The following RIMS2 variants were observed in gnomAD, a reference collection of about 807,000 sequenced individuals.
RIMS2 encodes the protein regulating synaptic membrane exocytosis protein 2.
A neutral mutation model predicts 174.4 loss-of-function variants in RIMS2; 59 were observed. The observed-to-expected ratio is 0.34, with a 90% CI of 0.27 to 0.42. The LOEUF (loss-of-function observed/expected upper bound fraction) is 0.42. Among genes scored for constraint, RIMS2 ranks in the 10% least tolerant of loss-of-function variants. The pLI is 1.00. For synonymous variants in RIMS2, 606 were observed against 572.5 expected (o/e 1.06, Z -0.84); for missense variants, 1,620 against 1,666.3 (o/e 0.97, Z 0.48).
intron 1 of RIMS2, among the ~76,000 whole-genome samples, chr8:103,690,806 T>C (rs1411774860): frequency 6.6e-6 from 1 of 152,250 alleles, no homozygotes; most frequent in East Asian, 1.9e-4. Context: ...GTGAGTTTTG[T>C]ACCTTTGGTG....
chr8:103,914,629 G>A (rs2076328616), intron 6 of RIMS2, among the ~76,000 whole-genome samples: 1 of 152,120 alleles, frequency 6.6e-6, no homozygotes, highest in Admixed American at 6.5e-5. Context: ...TTGAAGCTAT[G>A]TGCAAGTCAC....
chr8:103,792,219 G>A (rs896056213), intron 3 of RIMS2, among the ~76,000 whole-genome samples: 11 of 152,198 alleles, frequency 7.2e-5, no homozygotes, highest in African/African-American at 1.4e-4. Context: ...ATAACAAACT[G>A]TCTCTCAGAC....
intron 1 of RIMS2, among the ~76,000 whole-genome samples, chr8:103,660,180 C>T (rs2096581287): frequency 6.6e-6 from 1 of 152,212 alleles, no homozygotes; most frequent in Non-Finnish European, 1.5e-5. Flanking sequence ...TAGACTCTGC[C>T]AGTGTCTGGT....
At chr8:103,827,972 C>G (rs1417364591) in intron 3 of RIMS2, among the ~76,000 whole-genome samples, 3 of 150,308 alleles carry the variant, frequency 2.0e-5, no homozygotes, top group African/African-American at 7.3e-5. Context: ...AATTCTTATT[C>G]CTGATTCCAT....
intron 1 of RIMS2, among the ~76,000 whole-genome samples, chr8:103,608,733 G>C (rs890135215): frequency 6.6e-6 from 1 of 152,132 alleles, no homozygotes; most frequent in Admixed American, 6.5e-5. Context: ...CGCAGTATTC[G>C]GGTGGGAGTG....
At chr8:103,642,568 A>G (rs1159995042) in intron 1 of RIMS2, among the ~76,000 whole-genome samples, 1 of 152,056 alleles carries the variant, frequency 6.6e-6, no homozygotes, top group Non-Finnish European at 1.5e-5. Context: ...TTGTCTCTGA[A>G]GGAAATGAAA....
chr8:103,977,254 G>GT (rs1337212914), intron 16 of RIMS2: 3 of 152,154 alleles, frequency 2.0e-5, no homozygotes, highest in Non-Finnish European at 2.9e-5. Context: ...GACAAACATG[G>GT]TTTAAAGTGT....
At chr8:104,194,870 C>A (rs910755400) in intron 19 of RIMS2, among the ~76,000 whole-genome samples, 1 of 152,132 alleles carries the variant, frequency 6.6e-6, no homozygotes, top group African/African-American at 2.4e-5. Context: ...AGGTACCCCA[C>A]CTTCACAAAC....
At chr8:103,696,143 A>C (rs1521058) in intron 1 of RIMS2, among the ~76,000 whole-genome samples, 1 of 151,432 alleles carries the variant, frequency 6.6e-6, no homozygotes, top group Non-Finnish European at 1.5e-5. Flanking sequence ...TTCCCCACCT[A>C]TTTTTCTTTT....
chr8:103,609,881 G>A (rs1436111942), intron 1 of RIMS2, among the ~76,000 whole-genome samples: 22 of 152,294 alleles, frequency 1.4e-4, no homozygotes, highest in Non-Finnish European at 2.4e-4. Context: ...GTCATTGGTA[G>A]TTTGATAAGA....
intron 1 of RIMS2, among the ~76,000 whole-genome samples, chr8:103,695,545 C>G (rs1201097967): frequency 1.3e-5 from 2 of 151,900 alleles, no homozygotes; most frequent in Admixed American, 6.5e-5. Flanking sequence ...CATACTCTTT[C>G]TGTTTCAAGA....
chr8:104,059,693 A>G (rs2096941803), intron 19 of RIMS2, among the ~76,000 whole-genome samples: 1 of 149,798 alleles, frequency 6.7e-6, no homozygotes, highest in East Asian at 1.9e-4. Context: ...TCAGTATGAT[A>G]TTGGCTGTGG....
At chr8:103,738,388 G>T (rs1247907520) in intron 2 of RIMS2, among the ~76,000 whole-genome samples, 1 of 152,060 alleles carries the variant, frequency 6.6e-6, no homozygotes, top group Non-Finnish European at 1.5e-5. Flanking sequence ...AATTCAAGAT[G>T]GATTAAAGAT....
At chr8:103,688,872 G>T (rs191698730) in intron 1 of RIMS2, among the ~76,000 whole-genome samples, 1 of 151,662 alleles carries the variant, frequency 6.6e-6, no homozygotes, top group Non-Finnish European at 1.5e-5. Context: ...GATACGTATT[G>T]TTTCCCTCCT....
intron 2 of RIMS2, among the ~76,000 whole-genome samples, chr8:103,719,126 T>C (rs1039942832): frequency 6.6e-6 from 1 of 152,138 alleles, no homozygotes; most frequent in Non-Finnish European, 1.5e-5. Flanking sequence ...AAAAAAAATG[T>C]AGCTGGCACA....
intron 3 of RIMS2, among the ~76,000 whole-genome samples, chr8:103,862,357 C>G (rs1207499310): frequency 6.6e-6 from 1 of 151,860 alleles, no homozygotes; most frequent in Non-Finnish European, 1.5e-5. Context: ...ATATTAATTC[C>G]CTGCTCTTTT....
intron 2 of RIMS2, 27 bp from the exon 6 acceptor site, chr8:103,766,200 T>C (rs759469376): frequency 6.6e-7 from 1 of 1,516,416 alleles, no homozygotes; most frequent in South Asian, 1.2e-5. Context: ...GAACACTAAT[T>C]TTTTCCCCCT....
chr8:103,844,708 T>G (rs74780328), intron 3 of RIMS2, among the ~76,000 whole-genome samples: 2 of 152,182 alleles, frequency 1.3e-5, no homozygotes, highest in East Asian at 3.9e-4. Flanking sequence ...ACTTTTTATT[T>G]TCTTTGGACA....
chr8:103,653,562 A>G (rs2096486568), intron 1 of RIMS2, among the ~76,000 whole-genome samples: 1 of 152,154 alleles, frequency 6.6e-6, no homozygotes, highest in African/African-American at 2.4e-5. Flanking sequence ...GGACAAGTTG[A>G]CAAGTGACAT....
Sources: allele counts gnomAD v4.1 joint callset (sites outside exome capture counted in the v4.1 genomes callset), GRCh38; gene constraint gnomAD v4.1.1; transcripts MANE v1.5; gene names NCBI Gene and HGNC (gene_info 2026-07-23, HGNC 2026-07-21).